The following PXDNL variants were observed in gnomAD, a reference collection of about 807,000 sequenced individuals.
PXDNL encodes the protein probable oxidoreductase PXDNL.
Under a neutral mutation model 150.8 loss-of-function variants are expected in PXDNL, and 145 were observed. That is an observed-to-expected ratio of 0.96 (90% confidence interval 0.84 to 1.10). The LOEUF is 1.10. Among genes scored for constraint, PXDNL ranks in the 50% least tolerant of loss-of-function variants. The pLI, the probability that PXDNL is intolerant of heterozygous loss-of-function variation, is 0.00. For missense variants in PXDNL, 2,087 were observed against 1,873.9 expected (o/e 1.11, Z -2.10); for synonymous variants, 757 against 725.7 (o/e 1.04, Z -0.69).
At chr8:51,429,763 G>A (rs1430149059) in intron 12 of PXDNL, among the ~76,000 whole-genome samples, 2 of 148,824 alleles carry the variant, frequency 1.3e-5, no homozygotes, top group African/African-American at 2.5e-5. Flanking sequence ...GGAAATAAGA[G>A]CTTTCATCAT....
Position 51,371,993 on chromosome 8 carries a change from C to A in PXDNL, c.3781G>T (p.Gly1261Cys), listed in dbSNP as rs1199283378. 5 of 1,613,476 alleles carry A rather than the reference C, an allele frequency of 3.1e-6. No homozygotes were observed. Among genetic ancestry groups the A allele is most frequent in the Non-Finnish European group, 4.2e-6 (5 of 1,179,764 alleles). Residue 1261 changes from glycine (G) to cysteine (C), a missense_variant, in exon 19 of 23, where the codon GGT (glycine) becomes TGT (cysteine). Gly to Cys is a radical substitution (Grantham distance 159, BLOSUM62 -3). Transcript: ENST00000356297. ...ASLSRVLCDN[G>C]DSIQQVQADV... ...GCCTGCACTTGCTGAATGCTGTCAC[C>A]ATTGTCACAAAGCACCCGGCTCAGG...
chr8:51,402,904 TAC>T (rs55768775), intron 17 of PXDNL, among the ~76,000 whole-genome samples: 6,897 of 146,082 alleles, frequency 0.047, 380 homozygotes, highest in African/African-American at 0.13. Flanking sequence ...CTACTAAAAA[TAC>T]ACACACACAC....
At chr8:51,346,045 C>G in intron 19 of PXDNL, 98 bp from the exon 20 acceptor site, 1 of 722,884 alleles carries the variant, frequency 1.4e-6, no homozygotes, top group South Asian at 1.8e-5. Context: ...GCAAGAGTAC[C>G]AAGAAGAAAG....
chr8:51,541,383 A>T (rs1164534407), intron 4 of PXDNL, among the ~76,000 whole-genome samples: 2 of 152,172 alleles, frequency 1.3e-5, no homozygotes, highest in African/African-American at 4.8e-5. Flanking sequence ...AATAGGGCTC[A>T]TATAGCCTTT....
rs1164074620 is a variant in PXDNL, at chr8:51,524,624, C to G, written c.381-24854G>C. On this transcript the variant is annotated intron_variant, in intron 4 of 22. Coordinates refer to ENST00000356297, the MANE Select transcript of PXDNL (RefSeq NM_144651.5). The stretch of plus-strand genomic sequence containing the variant: ...ATGTGAAACTTTTCTTATGATGCCA[C>G]CATTAACTAAAAAAAAAGATTTCTA... 3.3e-5 allele frequency among the ~76,000 whole-genome samples: 5 copies of G among 152,022 alleles called. No individual in the cohort carries two copies. The South Asian group carries it at 1.0e-3, about 32-fold the overall frequency.
Position 51,453,439 on chromosome 8 carries a change from C to A in PXDNL, c.1249+80G>T, listed in dbSNP as rs1586119082. 5.1e-6 allele frequency: 7 copies of A among 1,374,136 alleles called. No individual in the cohort carries two copies. In the East Asian group the frequency reaches 1.6e-4, roughly 32 times the overall value. 85.1% of individuals were successfully genotyped at this position (1,374,136 alleles called of 1,614,324 possible). ...ATAAAAATATTTCTCCACTGATGTA[C>A]ATGACATTATTTAAGTTGAAAAATA... On this transcript the variant is annotated intron_variant, in intron 10 of 22. Transcript: ENST00000356297.
At chr8:51,584,053 C>A (rs1423866334) in intron 3 of PXDNL, among the ~76,000 whole-genome samples, 3 of 152,030 alleles carry the variant, frequency 2.0e-5, no homozygotes, top group Non-Finnish European at 4.4e-5. Context: ...TTTTCCCTAT[C>A]CAAAGTCATA....
chr8:51,437,488 C>T (rs1809435770), intron 12 of PXDNL, among the ~76,000 whole-genome samples: 1 of 152,140 alleles, frequency 6.6e-6, no homozygotes, highest in Non-Finnish European at 1.5e-5. Context: ...TGATAATCCA[C>T]CATGATCAAG....
At chr8:51,360,559 AT>A (rs1409734831) in intron 19 of PXDNL, among the ~76,000 whole-genome samples, 4 of 152,198 alleles carry the variant, frequency 2.6e-5, no homozygotes, top group Non-Finnish European at 5.9e-5. Flanking sequence ...ACACATACCT[AT>A]CCACGTACAC....
chr8:51,389,248 C>T (rs186327969), intron 17 of PXDNL, among the ~76,000 whole-genome samples: 48 of 152,240 alleles, frequency 3.2e-4, no homozygotes, highest in African/African-American at 1.1e-3. Context: ...GTTTCATGTG[C>T]CCCTGGGCTG....
chr8:51,334,918 A>G (rs766789), intron 21 of PXDNL, among the ~76,000 whole-genome samples: 33,913 of 152,000 alleles, frequency 0.22, 3,871 homozygotes, highest in Middle Eastern at 0.29. Flanking sequence ...CTGAACATCA[A>G]TCTGTTCCTT....
chr8:51,331,167 G>A (rs1415890628), intron 21 of PXDNL, among the ~76,000 whole-genome samples: 1 of 152,186 alleles, frequency 6.6e-6, no homozygotes, highest in Non-Finnish European at 1.5e-5. Flanking sequence ...AACTGCAGAA[G>A]TGGGAAAAGG....
chr8:51,488,798 T>C (rs1014557811), intron 5 of PXDNL, among the ~76,000 whole-genome samples: 1 of 152,022 alleles, frequency 6.6e-6, no homozygotes, highest in African/African-American at 2.4e-5. Flanking sequence ...GGAGGTTAAT[T>C]AGGAACATGA....
chr8:51,400,222 A>C (rs1310087900), intron 17 of PXDNL, among the ~76,000 whole-genome samples: 1 of 152,192 alleles, frequency 6.6e-6, no homozygotes, highest in Non-Finnish European at 1.5e-5. Flanking sequence ...TATGTTTCAC[A>C]CACACCTTAA....
intron 1 of PXDNL, among the ~76,000 whole-genome samples, chr8:51,789,034 A>C (rs2037486161): frequency 6.6e-6 from 1 of 151,844 alleles, no homozygotes; most frequent in Non-Finnish European, 1.5e-5. Context: ...TCTTTTTTTT[A>C]ATACCCCATT....
intron 14 of PXDNL, among the ~76,000 whole-genome samples, chr8:51,416,322 A>G (rs1244500207): frequency 6.6e-6 from 1 of 152,246 alleles, no homozygotes; most frequent in African/African-American, 2.4e-5. Flanking sequence ...AGAAGTTGAT[A>G]TAAAGTATAA....
intron 4 of PXDNL, among the ~76,000 whole-genome samples, chr8:51,553,501 T>C (rs1269140070): frequency 1.3e-5 from 2 of 152,158 alleles, no homozygotes; most frequent in African/African-American, 4.8e-5. Context: ...TAAGTAAGTG[T>C]ATAAAATATG....
chr8:51,548,700 C>G (rs1412076684), intron 4 of PXDNL, among the ~76,000 whole-genome samples: 1 of 152,078 alleles, frequency 6.6e-6, no homozygotes, highest in African/African-American at 2.4e-5. Flanking sequence ...AACAAACCCT[C>G]AAAGTACACC....
rs1219385505 is a variant in PXDNL at position 51,374,664 on chromosome 8, T to C, written c.3625A>G (p.Thr1209Ala). 7 of 1,613,932 alleles carry C rather than the reference T, an allele frequency of 4.3e-6. No homozygotes were observed. Among genetic ancestry groups the C allele is most frequent in the Non-Finnish European group, 5.9e-6 (7 of 1,179,862 alleles). Residue 1209 changes from threonine (T) to alanine (A), a missense_variant, in exon 18 of 23, where the codon ACA becomes GCA. Transcript: ENST00000356297. ...ALMVEDLIPG[T>A]RVGPTLMCLF... ...CACATAAGTGTTGGTCCCACTCTTG[T>C]ACCAGGAATCAGGTCTTCAACCATA... is the stretch of plus-strand genomic sequence containing the variant.
Sources: gnomAD v4.1 joint callset for allele counts (sites outside exome capture counted in the v4.1 genomes callset) on GRCh38, gnomAD v4.1.1 for gene constraint, MANE v1.5 for transcripts, NCBI Gene and HGNC (gene_info 2026-07-23, HGNC 2026-07-21) for gene names.